Variants in INO80 observed in about 807,000 individuals in gnomAD.
The protein encoded by INO80 is chromatin-remodeling ATPase INO80.
A neutral mutation model predicts 203.4 loss-of-function variants in INO80; 20 were observed. That is an observed-to-expected ratio of 0.10 (90% CI 0.07 to 0.14). The LOEUF is 0.14. INO80 is among the 10% of genes least tolerant of loss of function. The pLI is 1.00. For missense variants in INO80, 1,419 were observed against 1,914.4 expected (o/e 0.74, Z 4.83); for synonymous variants, 726 against 685.2 (o/e 1.06, Z -0.93).
chr15:41,074,623 T>C (rs2045375954), intron 9 of INO80, 58 bp from the exon 10 acceptor site: 6 of 1,208,844 alleles, frequency 5.0e-6, no homozygotes, highest in Admixed American at 2.2e-5. Context: ...CAAGAAGTAG[T>C]CCAGAATTCA....
At chr15:41,105,962 A>G (rs934172868) in intron 1 of INO80, among the ~76,000 whole-genome samples, 2 of 152,134 alleles carry the variant, frequency 1.3e-5, no homozygotes, top group African/African-American at 4.8e-5. Context: ...ATAATATTAG[A>G]AACTAAGATC....
At chr15:41,049,775 C>G (rs1237621783) in intron 20 of INO80, among the ~76,000 whole-genome samples, 160 bp downstream of exon 20, 1 of 152,018 alleles carries the variant, frequency 6.6e-6, no homozygotes, top group Non-Finnish European at 1.5e-5. Context: ...AGTCTCAGCT[C>G]CTTGGGAGGC....
chr15:41,103,414 G>C (rs1596329591), intron 1 of INO80, among the ~76,000 whole-genome samples: 2 of 152,048 alleles, frequency 1.3e-5, no homozygotes, highest in African/African-American at 2.4e-5. Context: ...TTTTGAGACA[G>C]AGTCTCGCTT....
intron 24 of INO80, 71 bp downstream of exon 24, chr15:41,044,833 T>C: frequency 1.4e-6 from 2 of 1,457,552 alleles, no homozygotes; most frequent in African/African-American, 1.4e-5. Context: ...TACTTTACTA[T>C]TATTTTTACT....
intron 19 of INO80, among the ~76,000 whole-genome samples, chr15:41,050,928 C>T (rs893174903): frequency 4.0e-5 from 6 of 151,774 alleles, no homozygotes; most frequent in Non-Finnish European, 8.8e-5. Context: ...GTCAGGAGTT[C>T]AAGACCAGCC....
At chr15:41,081,988 G>A (rs938890639) in intron 7 of INO80, among the ~76,000 whole-genome samples, 22 of 152,046 alleles carry the variant, frequency 1.4e-4, no homozygotes, top group African/African-American at 4.6e-4. Context: ...GGTGGTTCAC[G>A]CCTGTAATCC....
chr15:41,015,829 C>G lies in INO80; in HGVS notation c.3402+259G>C, dbSNP rs531982985. The stretch of plus-strand genomic sequence containing the variant: ...GAGTGTGGTGGTGCACGCCTGTAAT[C>G]CCAGCTACTCGGGAGACTGGAGCAG... On this transcript the variant is annotated intron_variant, in intron 27 of 35. Transcript: ENST00000648947. Among the ~76,000 whole-genome samples, 6 of 148,372 alleles carry G rather than the reference C, an allele frequency of 4.0e-5. No individual in the cohort carries two copies. The East Asian group carries it at 1.2e-3, about 29-fold the overall frequency.
chr15:41,101,537 G>A (rs998828580), intron 1 of INO80, among the ~76,000 whole-genome samples: 6 of 151,406 alleles, frequency 4.0e-5, no homozygotes, highest in Non-Finnish European at 8.8e-5. Context: ...AACACAAACA[G>A]ACTTTATTTG....
rs1240339775 is a variant in INO80 at position 41,031,912 on chromosome 15, CCACAG to C, written c.2908-4181_2908-4177del. On this transcript the variant is annotated intron_variant, in intron 24 of 35. Transcript: ENST00000648947. ...AGGCTCCATAGCTGCATACTCCTTG[CCACAG>C]CACAGCACAGCACAGCACAGCACAG... is the stretch of plus-strand genomic sequence containing the variant. Among the ~76,000 whole-genome samples the C allele has an allele frequency of 8.8e-4, 113 of 128,424 alleles. 1 individual carries two copies. The highest frequency in any genetic ancestry group is 3.7e-3 in the African/African-American group (105 of 28,162). 84.3% of individuals were successfully genotyped at this position (128,424 alleles called of 152,430 possible). A position where few individuals can be genotyped will look rare whatever the true frequency, so the allele number is the denominator to read the frequency against.
chr15:41,074,641 T>A (rs781028395), intron 9 of INO80, 76 bp from the exon 10 acceptor site: 12 of 937,684 alleles, frequency 1.3e-5, no homozygotes, highest in Non-Finnish European at 1.8e-5. Flanking sequence ...TCACCACTTA[T>A]ATTTGCATAC....
At chr15:41,064,883 G>A (rs2045181930) in intron 14 of INO80, among the ~76,000 whole-genome samples, 1 of 152,100 alleles carries the variant, frequency 6.6e-6, no homozygotes, top group African/African-American at 2.4e-5. Context: ...TGTAGTCCCA[G>A]TTACACGGGA....
At chr15:41,102,326 C>T (rs1319330714) in intron 1 of INO80, among the ~76,000 whole-genome samples, 11 of 152,142 alleles carry the variant, frequency 7.2e-5, no homozygotes, top group Admixed American at 7.2e-4. Flanking sequence ...CATCATACTG[C>T]TTTTTAAAAT....
chr15:41,011,127 G>A (rs549786778), intron 27 of INO80, among the ~76,000 whole-genome samples: 69 of 152,250 alleles, frequency 4.5e-4, no homozygotes, highest in Non-Finnish European at 7.8e-4. Context: ...AGTCACAATG[G>A]ACTACTCTTG....
Position 41,027,596 on chromosome 15 carries a change from T to G in INO80, c.3048A>C (p.Arg1016=), listed in dbSNP as rs1414286212. 1.3e-5 allele frequency: 21 copies of G among 1,607,558 alleles called. No individual in the cohort carries two copies. Among genetic ancestry groups the G allele is most frequent in the Admixed American group, 1.7e-5 (1 of 58,570 alleles). Residue 1016 remains arginine, a splice_region_variant and synonymous_variant, in exon 25 of 36, where the codon CGA becomes CGC. Coordinates refer to ENST00000648947, the MANE Select transcript of INO80 (RefSeq NM_017553.3). ...ATCTCTTCCCTCCTGGAGCACTTAC[T>G]CGTGGACTGGCCACACACAAAAAAG... ...LPSFLCVASP[R]VTAVPLDSYC... is the part of the protein sequence containing the mutation.
intron 14 of INO80, among the ~76,000 whole-genome samples, chr15:41,064,531 T>C (rs1489750809): frequency 1.3e-5 from 2 of 152,098 alleles, no homozygotes; most frequent in Admixed American, 1.3e-4. Context: ...AGATCAAAAA[T>C]GAACTTGCAA....
chr15:41,111,663 C>T (rs1277831265), intron 1 of INO80, among the ~76,000 whole-genome samples: 4 of 149,810 alleles, frequency 2.7e-5, no homozygotes, highest in Admixed American at 6.7e-5. Context: ...ATTAGCCGGG[C>T]GTGGTGGTGC....
chr15:41,071,725 T>C (rs1297395180), intron 12 of INO80, 124 bp downstream of exon 12: 1 of 802,380 alleles, frequency 1.2e-6, no homozygotes, highest in Non-Finnish European at 2.0e-6. Context: ...CCTCCCAAAG[T>C]GCTGGAATTG....
chr15:41,091,878 T>C (rs2045649816), intron 5 of INO80, 149 bp downstream of exon 5: 2 of 531,114 alleles, frequency 3.8e-6, no homozygotes, highest in East Asian at 2.9e-5. Flanking sequence ...GGTTTCAATT[T>C]CTTGACCTCA....
In INO80 at chr15:41,056,609, G is replaced by T; in HGVS notation, c.2070+13C>A. On this transcript the variant is annotated intron_variant, in intron 17 of 35. Coordinates refer to ENST00000648947, the MANE Select transcript of INO80 (RefSeq NM_017553.3). Reference sequence around the variant, plus strand: ...TATGAAGATATAAACCTGTGACCTGGACTAGTGCCTACCTCTGCCATGGTG... The same window carrying T: ...TATGAAGATATAAACCTGTGACCTGTACTAGTGCCTACCTCTGCCATGGTG... 2 of 1,594,392 alleles carry T rather than the reference G, an allele frequency of 1.3e-6. No individual in the cohort carries two copies. Among genetic ancestry groups the T allele is most frequent in the Non-Finnish European group, 1.7e-6 (2 of 1,162,080 alleles).
Sources: allele counts gnomAD v4.1 joint callset (sites outside exome capture counted in the v4.1 genomes callset), GRCh38; gene constraint gnomAD v4.1.1; transcripts MANE v1.5; gene names NCBI Gene and HGNC (gene_info 2026-07-23, HGNC 2026-07-21).